PRR12: variants seen among roughly 807,000 people sequenced by gnomAD.
PRR12 encodes proline-rich protein 12.
In PRR12, 12 loss-of-function variants were observed where a neutral mutation model predicts 138.0. The observed-to-expected ratio is 0.09, with a 90% CI of 0.06 to 0.14. The LOEUF is 0.14. Among genes scored for constraint, PRR12 ranks in the 10% least tolerant of loss-of-function variants. PRR12 has a pLI of 1.00. For synonymous variants in PRR12, 1,567 were observed against 1,291.7 expected (o/e 1.21, Z -4.57); for missense variants, 2,692 against 2,861.3 (o/e 0.94, Z 1.35).
intron 6 of PRR12, among the ~76,000 whole-genome samples, chr19:49,602,395 C>T (rs2080817282): frequency 6.6e-6 from 1 of 152,158 alleles, no homozygotes; most frequent in Non-Finnish European, 1.5e-5. Context: ...CTTATGTAAC[C>T]TGTAAATATA....
chr19:49,620,534 G>A (rs975530390), intron 10 of PRR12, 57 bp downstream of exon 10: 2 of 1,547,488 alleles, frequency 1.3e-6, no homozygotes, highest in Admixed American at 3.9e-5. Flanking sequence ...GGGAGCAGGT[G>A]CTGAGGGCTT....
chr19:49,595,546 C>A lies in PRR12; in HGVS notation c.1211C>A (p.Thr404Asn), dbSNP rs1453622684. The A allele has an allele frequency of 6.3e-7, 1 of 1,582,760 alleles. No homozygotes were observed. The highest frequency in any genetic ancestry group is 1.1e-5 in the South Asian group (1 of 87,076). ...GGYGAAAGGATRPPPPRSTAT... is the reference protein window; with the variant it reads ...GGYGAAAGGANRPPPPRSTAT... Reference sequence around the variant, plus strand: ...TATGGAGCAGCTGCCGGGGGTGCCACCAGGCCCCCCCCACCCCGTTCGACC... The same window carrying A: ...TATGGAGCAGCTGCCGGGGGTGCCAACAGGCCCCCCCCACCCCGTTCGACC... The change falls in exon 4 of 14, where the codon ACC becomes AAC. Residue 404 changes from threonine to asparagine, a missense_variant. Thr to Asn is a moderately conservative substitution (Grantham distance 65). This residue lies in a region of PRR12 where 523 missense variants were observed against 496.4 expected (regional missense o/e 1.05). Coordinates refer to ENST00000418929, the MANE Select transcript of PRR12 (RefSeq NM_020719.3).
Position 49,625,070 on chromosome 19 carries a change from G to C in PRR12, c.5869-35G>C. ...GAGGAGAGGGGCTGCCAAGTGCCGG[G>C]CTGGAGGGGCTGAGGCATCTCCACT... On this transcript the variant is annotated intron_variant, in intron 12 of 13. Coordinates refer to ENST00000418929, the MANE Select transcript of PRR12 (RefSeq NM_020719.3). The surrounding 1 kb of genome is among the most constrained non-coding windows in gnomAD (Gnocchi z 5.5). 8.7e-6 allele frequency: 14 copies of C among 1,612,126 alleles called. No homozygotes were observed. Among genetic ancestry groups the C allele is most frequent in the Non-Finnish European group, 1.2e-5 (14 of 1,178,382 alleles).
In PRR12 at chr19:49,598,630, G is replaced by A. The variant is rs571693131; in HGVS notation, c.3678+617G>A. On this transcript the variant is annotated intron_variant, in intron 4 of 13. Coordinates refer to ENST00000418929, the MANE Select transcript of PRR12 (RefSeq NM_020719.3). ...AACCCAGATGTTCGAGACCAGCCTG[G>A]TCAGCGTAGTGAGACCCTGGTCTCT... 1.2e-3 allele frequency among the ~76,000 whole-genome samples: 178 copies of A among 152,244 alleles called. 1 individual carries two copies. The highest frequency in any genetic ancestry group is 2.1e-3 in the Non-Finnish European group (140 of 68,008).
At position 49,599,570 on chromosome 19, in the gene PRR12, C is replaced by G. The variant is rs373669916; in HGVS notation, c.3977C>G (p.Pro1326Arg). 1.9e-6 allele frequency: 3 copies of G among 1,593,530 alleles called. No individual in the cohort carries two copies. Among genetic ancestry groups the G allele is most frequent in the Non-Finnish European group, 2.6e-6 (3 of 1,170,174 alleles). Residue 1326 changes from proline (P) to arginine (R), a missense_variant, in exon 5 of 14, where the codon CCC (proline) becomes CGC (arginine). By Grantham distance (103) the Pro-to-Arg change is moderately radical. Coordinates refer to ENST00000418929, the MANE Select transcript of PRR12 (RefSeq NM_020719.3). This position sits in a 1 kb window ranked among gnomAD's most constrained non-coding sequence, Gnocchi z 5.0. ...SVPARGLQPQPPATPAVPHPP... is the reference protein window; with the variant it reads ...SVPARGLQPQRPATPAVPHPP... ...CCAGCCCGAGGCCTGCAGCCCCAGC[C>G]CCCTGCCACCCCTGCTGTGCCACAT...
At chr19:49,598,134 C>A in intron 4 of PRR12, 121 bp downstream of exon 4, 5 of 1,118,194 alleles carry the variant, frequency 4.5e-6, no homozygotes, top group Middle Eastern at 3.3e-4. Context: ...AGTGCAGTGG[C>A]ACGATCTCGG....
chr19:49,625,788 C>A lies in PRR12; in HGVS notation c.*181C>A. 1.7e-6 allele frequency: 1 copy of A among 597,920 alleles called. No homozygotes were observed. Among genetic ancestry groups the A allele is most frequent in the Non-Finnish European group, 2.7e-6 (1 of 372,176 alleles). 37.0% of individuals were successfully genotyped at this position (597,920 alleles called of 1,614,324 possible). On this transcript the variant is annotated 3_prime_UTR_variant, in exon 14 of 14. Transcript: ENST00000418929. This position sits in a 1 kb window ranked among gnomAD's most constrained non-coding sequence, Gnocchi z 5.5. The stretch of plus-strand genomic sequence containing the variant: ...GTCCGACTCCCCCCCTCTCCCAAGC[C>A]CCCTCCACTCCCTCCCCATTCCTCC...
intron 9 of PRR12, among the ~76,000 whole-genome samples, chr19:49,617,328 C>T (rs898259657): frequency 6.6e-6 from 1 of 152,022 alleles, no homozygotes; most frequent in Non-Finnish European, 1.5e-5. Context: ...GTAGAATTAT[C>T]CTCATTTTAA....
chr19:49,611,872 G>A (rs1260536354), intron 6 of PRR12, among the ~76,000 whole-genome samples: 3 of 135,140 alleles, frequency 2.2e-5, no homozygotes, highest in East Asian at 4.4e-4. Context: ...GCAGTGAGCC[G>A]AGGTCGCGCC....
In PRR12 at chr19:49,616,369, CA is replaced by C. The variant is rs145254039; in HGVS notation, c.5497+151del. 216,277 of 686,540 alleles carry C rather than the reference CA, an allele frequency of 0.32. 37,651 individuals are homozygous for C. Among genetic ancestry groups the C allele is most frequent in the African/African-American group, 0.56 (30,588 of 54,246 alleles). The allele number at this position is 686,540 out of a possible 1,614,324, so 42.5% of individuals were successfully genotyped here. ...AGTAGCTCACAGTCACGGGGCATCT[CA>C]CTACACGACAGGCTGCCTCCTGAGA... On this transcript the variant is annotated intron_variant, in intron 9 of 13. Transcript: ENST00000418929. This position sits in a 1 kb window ranked among gnomAD's most constrained non-coding sequence, Gnocchi z 4.2.
intron 6 of PRR12, among the ~76,000 whole-genome samples, chr19:49,605,997 AT>A (rs1017166556): frequency 6.6e-6 from 1 of 151,768 alleles, no homozygotes; most frequent in South Asian, 2.1e-4. Flanking sequence ...ACTTATTATT[AT>A]TTTTTTTGTG....
chr19:49,625,762 A>G lies in PRR12; in HGVS notation c.*155A>G, dbSNP rs918842292. The G allele has an allele frequency of 7.9e-5, 76 of 966,784 alleles. No homozygotes were observed. The highest frequency in any genetic ancestry group is 3.9e-4 in the African/African-American group (23 of 59,652). 59.9% of individuals were successfully genotyped at this position (966,784 alleles called of 1,614,324 possible). A position where few individuals can be genotyped will look rare whatever the true frequency, so the allele number is the denominator to read the frequency against. On this transcript the variant is annotated 3_prime_UTR_variant, in exon 14 of 14. Transcript: ENST00000418929. This position sits in a 1 kb window ranked among gnomAD's most constrained non-coding sequence, Gnocchi z 5.5. ...CTGCCCCCTCCAGGGCAGGGTTCAA[A>G]GTCCGACTCCCCCCCTCTCCCAAGC...
intron 6 of PRR12, among the ~76,000 whole-genome samples, chr19:49,611,183 A>G (rs2080864166): frequency 6.6e-6 from 1 of 151,886 alleles, no homozygotes; most frequent in Non-Finnish European, 1.5e-5. Context: ...ATTATCCAGG[A>G]GTGGTGGCGC....
intron 11 of PRR12, among the ~76,000 whole-genome samples, chr19:49,622,934 G>T (rs866903221): frequency 0.13 from 10,735 of 83,168 alleles, 683 homozygotes; most frequent in African/African-American, 0.15. Flanking sequence ...TATATAGAGA[G>T]AGAGAGAGAG....
chr19:49,614,433 TA>T lies in PRR12; in HGVS notation c.4774-98del. ...GTTGTTGACGTGTCTGCCTTTTCTC[TA>T]AGGGGATGGTGAGGGAAGCCAGTGG... is the stretch of plus-strand genomic sequence containing the variant. On this transcript the variant is annotated intron_variant, in intron 6 of 13. Coordinates refer to ENST00000418929, the MANE Select transcript of PRR12 (RefSeq NM_020719.3). This position sits in a 1 kb window ranked among gnomAD's most constrained non-coding sequence, Gnocchi z 5.0. 1 of 758,108 alleles carries T rather than the reference TA, an allele frequency of 1.3e-6. No individual in the cohort carries two copies. Among genetic ancestry groups the T allele is most frequent in the Non-Finnish European group, 2.1e-6 (1 of 478,928 alleles). 47.0% of individuals were successfully genotyped at this position (758,108 alleles called of 1,614,324 possible).
chr19:49,607,699 C>T (rs545613785), intron 6 of PRR12, among the ~76,000 whole-genome samples: 1 of 145,568 alleles, frequency 6.9e-6, no homozygotes, highest in Non-Finnish European at 1.5e-5. Context: ...CAGAGCGAGA[C>T]CCTGTCTCAA....
At chr19:49,621,725 T>G (rs1183608487) in intron 11 of PRR12, 103 bp downstream of exon 11, 2 of 951,786 alleles carry the variant, frequency 2.1e-6, no homozygotes, top group Admixed American at 2.1e-5. Flanking sequence ...TGGAAGGAGA[T>G]CGTCCTTCTG....
intron 9 of PRR12, among the ~76,000 whole-genome samples, chr19:49,618,630 C>T (rs1431148976): frequency 6.6e-6 from 1 of 152,044 alleles, no homozygotes; most frequent in African/African-American, 2.4e-5. Context: ...CTCAGGCGAT[C>T]CTCTCGCCTC....
intron 9 of PRR12, among the ~76,000 whole-genome samples, chr19:49,618,143 G>A (rs1203463045): frequency 2.0e-5 from 3 of 152,014 alleles, no homozygotes; most frequent in African/African-American, 7.2e-5. Context: ...CTTTTTCAGG[G>A]TTGTCCAGGG....
Sources: gnomAD v4.1 joint callset for allele counts (sites outside exome capture counted in the v4.1 genomes callset) on GRCh38, gnomAD v4.1.1 for gene constraint, gnomAD v4.1.1 regional missense constraint, Gnocchi (gnomAD v3.1) non-coding constraint, MANE v1.5 for transcripts, NCBI Gene and HGNC (gene_info 2026-07-23, HGNC 2026-07-21) for gene names.